Variants in NCAM2 observed in about 807,000 individuals in gnomAD.
The protein encoded by NCAM2 is neural cell adhesion molecule 2, also known as N-CAM-2.
In NCAM2, 30 loss-of-function variants were observed where a neutral mutation model predicts 98.1. The ratio of observed to expected loss-of-function variants is 0.31; its 90% CI spans 0.23 to 0.41. The LOEUF is 0.41. Among genes scored for constraint, NCAM2 ranks in the 10% least tolerant of loss-of-function variants. The pLI is 1.00. For missense variants in NCAM2, 867 were observed against 1,005.8 expected (o/e 0.86, Z 1.87); for synonymous variants, 368 against 342.4 (o/e 1.07, Z -0.83).
In NCAM2 at chr21:21,233,529, G is replaced by A. The variant is rs149726223; in HGVS notation, c.56-47049G>A. Among the ~76,000 whole-genome samples the A allele has an allele frequency of 6.5e-4, 98 of 151,604 alleles. 1 individual carries two copies. Among genetic ancestry groups the A allele is most frequent in the Non-Finnish European group, 1.1e-3 (76 of 67,650 alleles). The stretch of plus-strand genomic sequence containing the variant: ...ATCAAATTAATTATTGAAATGATCA[G>A]CTAATAAGATACTACAAAATTTATA... On this transcript the variant is annotated intron_variant, in intron 1 of 17. Coordinates refer to ENST00000400546, the MANE Select transcript of NCAM2 (RefSeq NM_004540.5).
At chr21:21,500,286 T>G (rs1194181475) in intron 15 of NCAM2, among the ~76,000 whole-genome samples, 1 of 152,120 alleles carries the variant, frequency 6.6e-6, no homozygotes, top group Non-Finnish European at 1.5e-5. Flanking sequence ...GACTAAACAT[T>G]GGAAACCTCA....
At chr21:21,433,500 G>A (rs1222695961) in intron 12 of NCAM2, among the ~76,000 whole-genome samples, 1 of 151,876 alleles carries the variant, frequency 6.6e-6, no homozygotes, top group Admixed American at 6.6e-5. Context: ...AGCACTTTTG[G>A]AGGCTGAGGC....
At chr21:21,356,584 T>C (rs1375468755) in intron 8 of NCAM2, among the ~76,000 whole-genome samples, 1 of 152,234 alleles carries the variant, frequency 6.6e-6, no homozygotes, top group Non-Finnish European at 1.5e-5. Flanking sequence ...TAGTAATTTA[T>C]GTAACTAACA....
At chr21:21,166,020 G>A (rs1447441502) in intron 1 of NCAM2, among the ~76,000 whole-genome samples, 1 of 152,146 alleles carries the variant, frequency 6.6e-6, no homozygotes, top group Non-Finnish European at 1.5e-5. Context: ...CCGCTGTGAT[G>A]CCTATTGCTT....
chr21:21,170,130 G>A (rs2068075134), intron 1 of NCAM2, among the ~76,000 whole-genome samples: 3 of 152,190 alleles, frequency 2.0e-5, no homozygotes, highest in African/African-American at 7.2e-5. Flanking sequence ...TGTGGAACAA[G>A]ATGAACATTC....
At chr21:21,040,999 G>A (rs760208665) in intron 1 of NCAM2, among the ~76,000 whole-genome samples, 8 of 152,036 alleles carry the variant, frequency 5.3e-5, no homozygotes, top group Non-Finnish European at 8.8e-5. Context: ...TCATCATTAC[G>A]TGTTGTATGC....
intron 1 of NCAM2, among the ~76,000 whole-genome samples, chr21:21,167,750 A>G (rs1381924532): frequency 1.3e-5 from 2 of 152,206 alleles, no homozygotes; most frequent in African/African-American, 4.8e-5. Flanking sequence ...GAATGACACA[A>G]TCTTCCAGAA....
intron 1 of NCAM2, among the ~76,000 whole-genome samples, chr21:21,262,380 C>G (rs1568850040): frequency 6.6e-6 from 1 of 151,908 alleles, no homozygotes; most frequent in South Asian, 2.1e-4. Context: ...ACCCTGATAC[C>G]AAAATCTGAC....
intron 1 of NCAM2, among the ~76,000 whole-genome samples, chr21:21,221,001 A>G (rs1259263408): frequency 2.0e-5 from 3 of 152,010 alleles, no homozygotes; most frequent in African/African-American, 2.4e-5. Flanking sequence ...TACTCACCTC[A>G]TGTCTCTGTG....
At chr21:21,087,958 A>C (rs1031092805) in intron 1 of NCAM2, among the ~76,000 whole-genome samples, 2 of 152,212 alleles carry the variant, frequency 1.3e-5, no homozygotes, top group East Asian at 1.9e-4. Flanking sequence ...TATCCATACT[A>C]TCTGAATATC....
At chr21:21,499,215 T>C (rs1987459258) in intron 15 of NCAM2, among the ~76,000 whole-genome samples, 1 of 152,206 alleles carries the variant, frequency 6.6e-6, no homozygotes, top group African/African-American at 2.4e-5. Flanking sequence ...TAAGCCTTAA[T>C]GAAGATAACA....
chr21:21,087,470 T>A (rs375071272), intron 1 of NCAM2, among the ~76,000 whole-genome samples: 12 of 152,180 alleles, frequency 7.9e-5, no homozygotes, highest in Non-Finnish European at 1.3e-4. Context: ...TGGGTTCTGA[T>A]AACCTGTTCT....
chr21:21,154,754 G>A (rs551860842), intron 1 of NCAM2, among the ~76,000 whole-genome samples: 1 of 151,874 alleles, frequency 6.6e-6, no homozygotes, highest in African/African-American at 2.4e-5. Flanking sequence ...ATGTTTATAT[G>A]CATGTGTAGG....
At chr21:21,247,753 C>T (rs2071331471) in intron 1 of NCAM2, among the ~76,000 whole-genome samples, 1 of 152,146 alleles carries the variant, frequency 6.6e-6, no homozygotes, top group Non-Finnish European at 1.5e-5. Flanking sequence ...TTGTCCAGTA[C>T]ATACTTTTTA....
intron 9 of NCAM2, chr21:21,385,704 A>C: frequency 1.6e-6 from 2 of 1,263,310 alleles, no homozygotes; most frequent in Non-Finnish European, 2.1e-6. Context: ...AATTTCTAAA[A>C]CAAAGGAGAA....
At chr21:21,298,612 TA>T (rs1249322527) in intron 5 of NCAM2, among the ~76,000 whole-genome samples, 2 of 151,378 alleles carry the variant, frequency 1.3e-5, no homozygotes, top group South Asian at 4.2e-4. Context: ...GATAGATAGA[TA>T]GATAGATAGA....
At chr21:21,375,710 AT>A (rs1003198307) in intron 9 of NCAM2, among the ~76,000 whole-genome samples, 10 of 151,344 alleles carry the variant, frequency 6.6e-5, no homozygotes, top group South Asian at 2.1e-4. Context: ...TTACTTTATG[AT>A]TTTTTTTAAT....
At chr21:21,041,883 T>G (rs2146263330) in intron 1 of NCAM2, among the ~76,000 whole-genome samples, 1 of 152,302 alleles carries the variant, frequency 6.6e-6, no homozygotes, top group East Asian at 1.9e-4. Flanking sequence ...GGAAATTCCA[T>G]ATACCTGGTA....
At chr21:21,241,211 GACA>G (rs1355444334) in intron 1 of NCAM2, among the ~76,000 whole-genome samples, 1 of 151,794 alleles carries the variant, frequency 6.6e-6, no homozygotes, top group East Asian at 1.9e-4. Flanking sequence ...AAAGAACAAT[GACA>G]ACAAAAAAAT....
Sources: allele counts gnomAD v4.1 joint callset (sites outside exome capture counted in the v4.1 genomes callset), GRCh38; gene constraint gnomAD v4.1.1; transcripts MANE v1.5; gene names NCBI Gene and HGNC (gene_info 2026-07-23, HGNC 2026-07-21).